SLCO6A1: variants seen among roughly 807,000 people sequenced by gnomAD.
SLCO6A1 encodes solute carrier organic anion transporter family member 6A1, also known as cancer/testis antigen 48.
Under a neutral mutation model 72.7 loss-of-function variants are expected in SLCO6A1, and 65 were observed. That is an observed-to-expected ratio of 0.89 (90% confidence interval 0.73 to 1.10). SLCO6A1 has a LOEUF of 1.10. Ranked by LOEUF, SLCO6A1 falls within the 50% of genes least tolerant of loss-of-function variation. The pLI is 0.00. For synonymous variants in SLCO6A1, 314 were observed against 298.2 expected, an observed-to-expected ratio of 1.05 and a Z score of -0.55; for missense variants, 874 against 872.6, an observed-to-expected ratio of 1.00 and a Z score of -0.02.
rs547735467 is a variant in SLCO6A1, at chr5:102,388,537, T to A, written c.2017+151A>T. On this transcript the variant is annotated intron_variant, in intron 12 of 13. Coordinates refer to ENST00000506729, the MANE Select transcript of SLCO6A1 (RefSeq NM_173488.5). ...TTTTTTAAAATTTTACTTATAGAGA[T>A]GTGGTCTCTATTTTGCAGGTTAAGC... The A allele has an allele frequency of 1.0e-4, 52 of 495,562 alleles. No homozygotes were observed. The South Asian group carries it at 1.5e-3, about 14-fold the overall frequency. 30.7% of individuals were successfully genotyped at this position (495,562 alleles called of 1,614,324 possible). A position where few individuals can be genotyped will look rare whatever the true frequency, so the allele number is the denominator to read the frequency against.
At position 102,452,974 on chromosome 5, in the gene SLCO6A1, A is replaced by G. The variant is rs1003834615; in HGVS notation, c.1131+5408T>C. Among the ~76,000 whole-genome samples the G allele has an allele frequency of 2.0e-5, 3 of 152,216 alleles. No homozygotes were observed. The South Asian group carries it at 6.2e-4, about 32-fold the overall frequency. On this transcript the variant is annotated intron_variant, in intron 6 of 13. Transcript: ENST00000506729. ...AGGGATAGAACTATAGAATTAATAGAGAAAGACAATTGGCCTTTAGCAAGT... is the reference window on the plus strand; with the variant it reads ...AGGGATAGAACTATAGAATTAATAGGGAAAGACAATTGGCCTTTAGCAAGT...
chr5:102,450,506 G>C (rs1750356325), intron 6 of SLCO6A1, among the ~76,000 whole-genome samples: 1 of 152,202 alleles, frequency 6.6e-6, no homozygotes, highest in African/African-American at 2.4e-5. Flanking sequence ...GTATTTCCTT[G>C]TATTTGCAGC....
At chr5:102,393,292 T>G (rs1437445634) in intron 10 of SLCO6A1, among the ~76,000 whole-genome samples, 1 of 152,152 alleles carries the variant, frequency 6.6e-6, no homozygotes, top group African/African-American at 2.4e-5. Context: ...AAATCTAGAA[T>G]TGCAAAGAAA....
intron 6 of SLCO6A1, among the ~76,000 whole-genome samples, chr5:102,457,937 C>G (rs10041892): frequency 6.6e-6 from 1 of 151,896 alleles, no homozygotes; most frequent in Non-Finnish European, 1.5e-5. Flanking sequence ...AATGATGAGT[C>G]CATGTCCTTT....
rs759714053 is a variant in SLCO6A1 at position 102,498,551 on chromosome 5, G to A, written c.294C>T (p.Cys98=). 14 of 1,614,132 alleles carry A rather than the reference G, an allele frequency of 8.7e-6. No homozygotes were observed. The highest frequency in any genetic ancestry group is 2.7e-5 in the African/African-American group (2 of 74,956). ...AGCGAATGTTATTGCAACACTCACA[G>A]CAGGTGCTGACTAAGCAGCCCAAAC... ...PCGLGCLVST[C]CECCNNIRCF... is the part of the protein sequence containing the mutation. The change falls in exon 1 of 14, where the codon TGC becomes TGT. Residue 98 remains cysteine (C), a synonymous_variant. Coordinates refer to ENST00000506729, the MANE Select transcript of SLCO6A1 (RefSeq NM_173488.5).
chr5:102,475,914 G>A (rs894748733), intron 3 of SLCO6A1, 121 bp from the exon 4 acceptor site: 5 of 565,878 alleles, frequency 8.8e-6, no homozygotes, highest in East Asian at 6.0e-5. Context: ...ATTAGTCAGA[G>A]CTCTCCAGAG....
chr5:102,425,544 G>A (rs1748846219), intron 7 of SLCO6A1, among the ~76,000 whole-genome samples: 1 of 151,970 alleles, frequency 6.6e-6, no homozygotes, highest in Admixed American at 6.6e-5. Context: ...AAATACCTAG[G>A]AATACAAGGT....
At chr5:102,498,376 C>T in intron 1 of SLCO6A1, 111 bp downstream of exon 1, 2 of 1,055,286 alleles carry the variant, frequency 1.9e-6, no homozygotes, top group Non-Finnish European at 1.4e-6. Flanking sequence ...CTGGGCCACC[C>T]CAGGGCATGC....
intron 6 of SLCO6A1, among the ~76,000 whole-genome samples, chr5:102,446,906 C>A (rs893297995): frequency 6.6e-6 from 1 of 152,110 alleles, no homozygotes; most frequent in Admixed American, 6.5e-5. Flanking sequence ...AGGCACCCAC[C>A]ACTATGCCCT....
chr5:102,391,093 A>T (rs755040197), intron 10 of SLCO6A1, 48 bp from the exon 11 acceptor site: 34 of 1,513,170 alleles, frequency 2.2e-5, no homozygotes, highest in Non-Finnish European at 2.9e-5. Context: ...TGTTATTAGC[A>T]CTAAGAATGT....
At chr5:102,445,357 T>A (rs953375391) in intron 6 of SLCO6A1, among the ~76,000 whole-genome samples, 5 of 152,184 alleles carry the variant, frequency 3.3e-5, no homozygotes, top group African/African-American at 1.2e-4. Flanking sequence ...TTTGGCCACA[T>A]GTATGTTTTC....
intron 4 of SLCO6A1, 124 bp from the exon 5 acceptor site, chr5:102,459,901 G>C: frequency 1.3e-6 from 1 of 762,266 alleles, no homozygotes; most frequent in Non-Finnish European, 1.9e-6. Flanking sequence ...GACAGAAATG[G>C]AACTTTTTTT....
At chr5:102,490,739 G>T (rs1383981213) in intron 1 of SLCO6A1, among the ~76,000 whole-genome samples, 1 of 152,076 alleles carries the variant, frequency 6.6e-6, no homozygotes, top group Non-Finnish European at 1.5e-5. Context: ...GGCACATCTG[G>T]AGTTGTTCGT....
intron 6 of SLCO6A1, among the ~76,000 whole-genome samples, chr5:102,448,324 C>T (rs1750228654): frequency 1.3e-5 from 2 of 152,102 alleles, no homozygotes; most frequent in Non-Finnish European, 2.9e-5. Context: ...GTGCCATGTG[C>T]AGATGAGAAG....
At chr5:102,410,749 A>G (rs1747929046) in intron 9 of SLCO6A1, among the ~76,000 whole-genome samples, 1 of 152,158 alleles carries the variant, frequency 6.6e-6, no homozygotes, top group Non-Finnish European at 1.5e-5. Flanking sequence ...AATAGCCTCA[A>G]TTTACATAAA....
At chr5:102,442,082 T>C (rs1308136238) in intron 6 of SLCO6A1, among the ~76,000 whole-genome samples, 2 of 152,156 alleles carry the variant, frequency 1.3e-5, no homozygotes, top group Non-Finnish European at 2.9e-5. Flanking sequence ...TATAAAAATA[T>C]TGGTCTGTAC....
intron 12 of SLCO6A1, among the ~76,000 whole-genome samples, chr5:102,382,037 GT>G (rs1227083794): frequency 6.6e-6 from 1 of 151,564 alleles, no homozygotes; most frequent in African/African-American, 2.4e-5. Flanking sequence ...TCTGTTGACT[GT>G]TTCCATTGCT....
intron 6 of SLCO6A1, among the ~76,000 whole-genome samples, chr5:102,446,957 G>A (rs1456531052): frequency 2.0e-5 from 3 of 152,138 alleles, no homozygotes; most frequent in Non-Finnish European, 4.4e-5. Flanking sequence ...GTTTCACCAT[G>A]TTGGCCAGAC....
chr5:102,466,990 T>C (rs951650187), intron 4 of SLCO6A1, among the ~76,000 whole-genome samples: 1 of 152,220 alleles, frequency 6.6e-6, no homozygotes, highest in Non-Finnish European at 1.5e-5. Flanking sequence ...GTTGATAGTT[T>C]CTTTGGCTGT....
Sources: gnomAD v4.1 joint callset for allele counts (sites outside exome capture counted in the v4.1 genomes callset) on GRCh38, gnomAD v4.1.1 for gene constraint, MANE v1.5 for transcripts, NCBI Gene and HGNC (gene_info 2026-07-23, HGNC 2026-07-21) for gene names.